MROH2B: variants seen among roughly 807,000 people sequenced by gnomAD.
MROH2B encodes maestro heat-like repeat-containing protein family member 2B.
Under a neutral mutation model 208.6 loss-of-function variants are expected in MROH2B, and 177 were observed. That is an observed-to-expected ratio of 0.85 (90% CI 0.75 to 0.96). The LOEUF is 0.96. Ranked by LOEUF, MROH2B falls within the 40% of genes least tolerant of loss-of-function variation. The pLI, the probability that MROH2B is intolerant of heterozygous loss-of-function variation, is 0.00. For synonymous variants in MROH2B, 728 were observed against 659.0 expected (o/e 1.10, Z -1.60); for missense variants, 2,002 against 1,878.7 (o/e 1.07, Z -1.21).
At chr5:41,047,260 C>T (rs976210463) in intron 17 of MROH2B, among the ~76,000 whole-genome samples, 3 of 152,054 alleles carry the variant, frequency 2.0e-5, no homozygotes, top group African/African-American at 7.2e-5. Flanking sequence ...AGAGGAAATT[C>T]GTTTTTGGAA....
intron 39 of MROH2B, 67 bp from the exon 40 acceptor site, chr5:40,999,846 T>C (rs957933481): frequency 2.4e-5 from 34 of 1,437,628 alleles, no homozygotes; most frequent in South Asian, 2.4e-5. Context: ...TGGCATCCTA[T>C]AGGTCCTCAG....
intron 18 of MROH2B, among the ~76,000 whole-genome samples, chr5:41,044,489 T>C (rs1743057078): frequency 6.6e-6 from 1 of 152,208 alleles, no homozygotes. Flanking sequence ...TCTAGGCAGC[T>C]AATTACTGAA....
intron 6 of MROH2B, among the ~76,000 whole-genome samples, chr5:41,059,022 T>C (rs575347910): frequency 1.5e-5 from 2 of 131,886 alleles, no homozygotes; most frequent in Non-Finnish European, 3.1e-5. Context: ...CACTCCAGCC[T>C]GGGTGACAGA....
At chr5:41,052,414 G>A in intron 12 of MROH2B, 51 bp downstream of exon 12, 2 of 1,479,094 alleles carry the variant, frequency 1.4e-6, no homozygotes, top group South Asian at 1.6e-5. Context: ...ACATAGTTGA[G>A]CGAACTGTAC....
chr5:41,060,423 A>G (rs1436261239), intron 6 of MROH2B, among the ~76,000 whole-genome samples: 1 of 152,166 alleles, frequency 6.6e-6, no homozygotes, highest in Non-Finnish European at 1.5e-5. Context: ...GCTTTTCATT[A>G]TGTGACTAAG....
Position 41,009,611 on chromosome 5 carries a change from A to T in MROH2B, c.3294-205T>A, listed in dbSNP as rs542931322. 2.6e-5 allele frequency among the ~76,000 whole-genome samples: 4 copies of T among 152,346 alleles called. No homozygotes were observed. The East Asian group carries it at 7.7e-4, about 29-fold the overall frequency. On this transcript the variant is annotated intron_variant, in intron 31 of 41. Coordinates refer to ENST00000399564, the MANE Select transcript of MROH2B (RefSeq NM_173489.5). Reference sequence around the variant, plus strand: ...GGGTTACAGAACTTTGTTAAAGTCCACTAAGATGGGAACCTCTCATGTAGG... The same window carrying T: ...GGGTTACAGAACTTTGTTAAAGTCCTCTAAGATGGGAACCTCTCATGTAGG...
At chr5:41,028,779 C>T (rs1027774680) in intron 24 of MROH2B, among the ~76,000 whole-genome samples, 4 of 152,070 alleles carry the variant, frequency 2.6e-5, no homozygotes, top group African/African-American at 9.7e-5. Flanking sequence ...TATGGTGGTA[C>T]AGATAACTTA....
chr5:41,030,894 A>T (rs1456471569), intron 24 of MROH2B, among the ~76,000 whole-genome samples: 1 of 152,108 alleles, frequency 6.6e-6, no homozygotes, highest in Non-Finnish European at 1.5e-5. Context: ...TTTATGTTTT[A>T]TTTATTTTGC....
intron 38 of MROH2B, 24 bp downstream of exon 38, chr5:41,000,654 C>T (rs1385909705): frequency 3.8e-6 from 6 of 1,595,848 alleles, no homozygotes; most frequent in Non-Finnish European, 5.1e-6. Context: ...GCAGGAGGTG[C>T]AGGTGTCTGT....
Position 41,039,605 on chromosome 5 carries a change from A to C in MROH2B, c.1954-50T>G, listed in dbSNP as rs979525154. 6 of 1,307,172 alleles carry C rather than the reference A, an allele frequency of 4.6e-6. No homozygotes were observed. The African/African-American group carries it at 7.4e-5, about 16-fold the overall frequency. 81.0% of individuals were successfully genotyped at this position (1,307,172 alleles called of 1,614,324 possible). A position where few individuals can be genotyped will look rare whatever the true frequency, so the allele number is the denominator to read the frequency against. On this transcript the variant is annotated intron_variant, in intron 19 of 41. Transcript: ENST00000399564. ...TTTGAGTTTAACCATTTATTTATTC[A>C]ACAAATATTTACTGAGCACCTATTA...
chr5:41,068,571 C>T (rs1323695065), intron 2 of MROH2B, among the ~76,000 whole-genome samples: 1 of 152,224 alleles, frequency 6.6e-6, no homozygotes, highest in Non-Finnish European at 1.5e-5. Flanking sequence ...TTTTAGCTGG[C>T]ACCTTAACCT....
intron 24 of MROH2B, among the ~76,000 whole-genome samples, chr5:41,023,943 A>T (rs1405679383): frequency 2.0e-5 from 3 of 152,200 alleles, no homozygotes; most frequent in African/African-American, 7.2e-5. Context: ...AAGCTTCATA[A>T]ATAAAGGAGA....
At chr5:41,051,262 C>T (rs554119984) in intron 12 of MROH2B, among the ~76,000 whole-genome samples, 172 bp from the exon 13 acceptor site, 1 of 152,088 alleles carries the variant, frequency 6.6e-6, no homozygotes, top group Non-Finnish European at 1.5e-5. Flanking sequence ...TTTGAAAGGG[C>T]CCCTTGGAGG....
rs374046523 is a variant in MROH2B, at chr5:41,009,331, G to T, written c.3369C>A (p.Asp1123Glu). Residue 1123 changes from aspartate to glutamate, a missense_variant, in exon 32 of 42, where the codon GAC becomes GAA. Transcript: ENST00000399564. ...CATCTTCTAACTCAGTCTCCAGTTT[G>T]TCTATTAAGGCTTGCAAGAGTTTCC... ...SSGKLLQALI[D>E]KLETELEDDI... 6.2e-7 allele frequency: 1 copy of T among 1,613,920 alleles called. No individual in the cohort carries two copies. Among genetic ancestry groups the T allele is most frequent in the Non-Finnish European group, 8.5e-7 (1 of 1,179,818 alleles).
chr5:41,041,302 T>C (rs528243792), intron 19 of MROH2B, among the ~76,000 whole-genome samples: 2 of 152,266 alleles, frequency 1.3e-5, no homozygotes, highest in South Asian at 2.1e-4. Flanking sequence ...TTGGGAACTA[T>C]TTTTTGTTGG....
chr5:41,043,109 T>C (rs757214390), intron 18 of MROH2B, among the ~76,000 whole-genome samples: 1 of 152,190 alleles, frequency 6.6e-6, no homozygotes, highest in Non-Finnish European at 1.5e-5. Context: ...GGAAAATCTG[T>C]GGAGCAGGAG....
chr5:41,066,894 A>G (rs1230098973), intron 3 of MROH2B, among the ~76,000 whole-genome samples: 1 of 152,212 alleles, frequency 6.6e-6, no homozygotes, highest in Non-Finnish European at 1.5e-5. Flanking sequence ...AGGAGGTTGG[A>G]TAAAATCACC....
rs531528724 is a variant in MROH2B at position 41,031,364 on chromosome 5, T to G, written c.2441+1378A>C. Among the ~76,000 whole-genome samples the G allele has an allele frequency of 3.9e-5, 6 of 152,184 alleles. No homozygotes were observed. In the South Asian group the frequency reaches 1.2e-3, roughly 32 times the overall value. On this transcript the variant is annotated intron_variant, in intron 24 of 41. Coordinates refer to ENST00000399564, the MANE Select transcript of MROH2B (RefSeq NM_173489.5). ...CATGGAGGAAACCACTCCCATGATC[T>G]AATCACCCCACGCCTTTGACACGTG... is the stretch of plus-strand genomic sequence containing the variant.
At chr5:41,031,759 C>A (rs1214512090) in intron 24 of MROH2B, among the ~76,000 whole-genome samples, 2 of 151,958 alleles carry the variant, frequency 1.3e-5, no homozygotes, top group Non-Finnish European at 2.9e-5. Context: ...ACAACTAGGC[C>A]CCAGTGTCTA....
Sources: gnomAD v4.1 joint callset for allele counts (sites outside exome capture counted in the v4.1 genomes callset) on GRCh38, gnomAD v4.1.1 for gene constraint, MANE v1.5 for transcripts, NCBI Gene and HGNC (gene_info 2026-07-23, HGNC 2026-07-21) for gene names.